ETFB: variants seen among roughly 807,000 people sequenced by gnomAD.
The protein encoded by ETFB is electron transfer flavoprotein subunit beta.
In ETFB, 20 loss-of-function variants were observed where a neutral mutation model predicts 25.6. The ratio of observed to expected loss-of-function variants is 0.78; its 90% CI spans 0.55 to 1.14. The LOEUF (loss-of-function observed/expected upper bound fraction) is 1.14, where lower values mean the gene tolerates loss of function less well. Among genes scored for constraint, ETFB ranks in the 50% most tolerant of loss-of-function variants. The pLI, the probability that ETFB is intolerant of heterozygous loss-of-function variation, is 0.00. For missense variants in ETFB, 286 were observed against 342.6 expected (o/e 0.83, Z 1.30); for synonymous variants, 142 against 146.7 (o/e 0.97, Z 0.23).
At chr19:51,348,391 G>A (rs1440941706) in intron 4 of ETFB, 1 of 152,178 alleles carries the variant, frequency 6.6e-6, no homozygotes, top group Non-Finnish European at 1.5e-5. Context: ...ACTCCAGTCT[G>A]GGGACAGAAC....
At chr19:51,346,724 T>C in intron 5 of ETFB, 176 bp downstream of exon 5, 3 of 637,236 alleles carry the variant, frequency 4.7e-6, no homozygotes, top group Non-Finnish European at 5.4e-6. Flanking sequence ...GAACTCTCAG[T>C]ATTGGCAGAG....
At chr19:51,347,517 C>A (rs1985828864) in intron 4 of ETFB, 1 of 195,688 alleles carries the variant, frequency 5.1e-6, no homozygotes, top group African/African-American at 2.3e-5. Flanking sequence ...CCCAACGGCC[C>A]CCCGTGAGGC....
At chr19:51,356,755 TGGAGGCCAGAAGTCCAAAGTCA>T (rs1337586272) in intron 1 of ETFB, 3 of 152,310 alleles carry the variant, frequency 2.0e-5, no homozygotes, top group Non-Finnish European at 4.4e-5. Flanking sequence ...CTTACAGCTC[TGGAGGCCAGAAGTCCAAAGTCA>T]GTGTCACCAG....
intron 4 of ETFB, 137 bp from the exon 5 acceptor site, chr19:51,347,195 G>T: frequency 2.3e-6 from 2 of 858,758 alleles, no homozygotes; most frequent in East Asian, 2.6e-5. Flanking sequence ...GTCCCATGAG[G>T]TTTAGAATCG....
intron 1 of ETFB, 144 bp downstream of exon 1, chr19:51,366,126 T>C: frequency 1.3e-6 from 1 of 784,168 alleles, no homozygotes; most frequent in East Asian, 2.6e-5. Context: ...CTCTTGGATT[T>C]TTGCCCTCAG....
In ETFB at chr19:51,350,374, A is replaced by G. The variant is rs371564310; in HGVS notation, c.393T>C (p.Cys131=). ...CAGCTGTCATCTGCCCTGTCTGGTT[A>G]CAGTCATCATCGATGGCCTGAATGG... The part of the protein sequence containing the change: ...LLGKQAIDDD[C]NQTGQMTAGF... Residue 131 remains cysteine (C), a synonymous_variant, in exon 4 of 6, where the codon TGT becomes TGC. Transcript: ENST00000309244. The G allele has an allele frequency of 2.3e-5, 37 of 1,585,430 alleles. No homozygotes were observed. Among genetic ancestry groups the G allele is most frequent in the South Asian group, 1.9e-4 (17 of 89,536 alleles).
intron 1 of ETFB, chr19:51,355,004 C>A (rs1208048366): frequency 3.5e-6 from 1 of 286,690 alleles, no homozygotes; most frequent in Admixed American, 4.6e-5. Context: ...AAAGACGTAC[C>A]CACAACTACA....
chr19:51,363,095 C>T (rs1986270961), intron 1 of ETFB, among the ~76,000 whole-genome samples: 1 of 152,056 alleles, frequency 6.6e-6, no homozygotes, highest in African/African-American at 2.4e-5. Context: ...TAGGGGAAAA[C>T]ACAGCAAAAC....
intron 3 of ETFB, among the ~76,000 whole-genome samples, chr19:51,351,781 G>C (rs1985939079): frequency 6.6e-6 from 1 of 151,902 alleles, no homozygotes; most frequent in African/African-American, 2.4e-5. Context: ...GGACCCATCA[G>C]CCTCCTCTTT....
At position 51,352,094 on chromosome 19, in the gene ETFB, G is replaced by T. The variant is rs189866769; in HGVS notation, c.375+1038C>A. Among the ~76,000 whole-genome samples the T allele has an allele frequency of 2.6e-5, 4 of 152,116 alleles. No individual in the cohort carries two copies. In the East Asian group the frequency reaches 7.7e-4, roughly 29 times the overall value. On this transcript the variant is annotated intron_variant, in intron 3 of 5. Coordinates refer to ENST00000309244, the MANE Select transcript of ETFB (RefSeq NM_001985.3). ...TCCTGGGGGAACAGATGAGCTCCAT[G>T]TACCCCTATCTCAGTGGGGAGCACC... is the stretch of plus-strand genomic sequence containing the variant.
intron 3 of ETFB, among the ~76,000 whole-genome samples, chr19:51,352,927 C>A (rs1283575633): frequency 6.6e-6 from 1 of 152,186 alleles, no homozygotes; most frequent in Non-Finnish European, 1.5e-5. Flanking sequence ...CGTGCCTGGC[C>A]CAAGAGGATC....
intron 3 of ETFB, 40 bp downstream of exon 3, chr19:51,353,092 G>A: frequency 1.2e-6 from 2 of 1,612,356 alleles, no homozygotes; most frequent in Non-Finnish European, 1.7e-6. Context: ...TCCCGAGCAG[G>A]GATGAGCAAG....
In ETFB at chr19:51,347,205, G is replaced by A. The variant is rs1009347558; in HGVS notation, c.439-147C>T. 3 of 776,500 alleles carry A rather than the reference G, an allele frequency of 3.9e-6. No homozygotes were observed. In the African/African-American group the frequency reaches 5.1e-5, roughly 13 times the overall value. 48.1% of individuals were successfully genotyped at this position (776,500 alleles called of 1,614,324 possible). A position where few individuals can be genotyped will look rare whatever the true frequency, so the allele number is the denominator to read the frequency against. ...GCAGGGTCCCATGAGGTTTAGAATC[G>A]AGCTTGTACACCTGGGAGAGGGTCT... On this transcript the variant is annotated intron_variant, in intron 4 of 5. Coordinates refer to ENST00000309244, the MANE Select transcript of ETFB (RefSeq NM_001985.3).
At chr19:51,347,278 CTGATG>C in intron 4 of ETFB, 1 of 571,538 alleles carries the variant, frequency 1.7e-6, no homozygotes, top group Non-Finnish European at 3.2e-6. Flanking sequence ...GTCCCATGTC[CTGATG>C]CTGCCAGTGA....
At chr19:51,365,342 C>G (rs570354068) in intron 1 of ETFB, 2 of 152,408 alleles carry the variant, frequency 1.3e-5, no homozygotes, top group South Asian at 4.1e-4. Flanking sequence ...ATGCTCAAGT[C>G]TGGCTCCTGT....
chr19:51,352,006 G>A (rs1985943432), intron 3 of ETFB, among the ~76,000 whole-genome samples: 1 of 151,958 alleles, frequency 6.6e-6, no homozygotes, highest in Non-Finnish European at 1.5e-5. Flanking sequence ...CCCTGGTTGA[G>A]GCCATGAGGT....
intron 1 of ETFB, among the ~76,000 whole-genome samples, chr19:51,363,888 G>A (rs1340221981): frequency 6.6e-6 from 1 of 152,192 alleles, no homozygotes; most frequent in Non-Finnish European, 1.5e-5. Flanking sequence ...AGGAGGAGCA[G>A]GTCACAGTGG....
chr19:51,360,766 T>C (rs941839881), intron 1 of ETFB, among the ~76,000 whole-genome samples: 7 of 150,114 alleles, frequency 4.7e-5, no homozygotes, highest in African/African-American at 1.7e-4. Context: ...CTTTCTCTCT[T>C]TCTCTCTCTC....
intron 1 of ETFB, among the ~76,000 whole-genome samples, chr19:51,361,183 G>A (rs897713794): frequency 6.6e-6 from 1 of 151,322 alleles, no homozygotes; most frequent in Non-Finnish European, 1.5e-5. Context: ...CGCCCACCTC[G>A]GCCTCCCAAA....
Sources: allele counts gnomAD v4.1 joint callset (sites outside exome capture counted in the v4.1 genomes callset), GRCh38; gene constraint gnomAD v4.1.1; transcripts MANE v1.5; gene names NCBI Gene and HGNC (gene_info 2026-07-23, HGNC 2026-07-21).